Variants in PCMTD1 observed in about 807,000 individuals in gnomAD.
PCMTD1 encodes protein-L-isoaspartate O-methyltransferase domain-containing protein 1.
PCMTD1 carries 12 observed loss-of-function variants against 37.6 expected under a neutral mutation model. The observed-to-expected ratio is 0.32, with a 90% CI of 0.20 to 0.52. The LOEUF (loss-of-function observed/expected upper bound fraction) is 0.52, where lower values mean the gene tolerates loss of function less well. Among genes scored for constraint, PCMTD1 ranks in the 20% least tolerant of loss-of-function variants. The probability of loss-of-function intolerance (pLI) is 0.97; values close to 1 mark genes in which losing one functional copy is unlikely to be tolerated. For missense variants in PCMTD1, 235 were observed against 421.3 expected, an observed-to-expected ratio of 0.56 and a Z score of 3.87; for synonymous variants, 117 against 135.8, an observed-to-expected ratio of 0.86 and a Z score of 0.96.
rs1292160124 is a variant in PCMTD1 at position 51,848,867 on chromosome 8, T to A, written c.308-3104A>T. ...TGACATGGAGGCACATCTTTAATGA[T>A]CACTACTTAACAATATGAATGGTAA... On this transcript the variant is annotated intron_variant, in intron 2 of 5. Coordinates refer to ENST00000522514, the MANE Select transcript of PCMTD1 (RefSeq NM_052937.4). 3 of 152,126 alleles carry A rather than the reference T, an allele frequency of 2.0e-5. No individual in the cohort carries two copies. In the South Asian group the frequency reaches 6.2e-4, roughly 31 times the overall value. 9.4% of individuals were successfully genotyped at this position (152,126 alleles called of 1,614,324 possible). A position where few individuals can be genotyped will look rare whatever the true frequency, so the allele number is the denominator to read the frequency against.
intron 3 of PCMTD1, chr8:51,845,258 T>C (rs2038201368): frequency 6.4e-6 from 1 of 156,960 alleles, no homozygotes; most frequent in African/African-American, 2.4e-5. Flanking sequence ...TAGCTGAATA[T>C]GTTAAAGTCC....
At chr8:51,849,874 T>C (rs557689141) in intron 2 of PCMTD1, 7 of 574,646 alleles carry the variant, frequency 1.2e-5, no homozygotes, top group African/African-American at 5.6e-5. Context: ...ATTTTGACAG[T>C]GTGGTGCTGA....
intron 3 of PCMTD1, among the ~76,000 whole-genome samples, chr8:51,840,723 A>T (rs927380744): frequency 6.6e-6 from 1 of 152,148 alleles, no homozygotes; most frequent in Non-Finnish European, 1.5e-5. Context: ...AGGATAGTAG[A>T]TATGACCATG....
chr8:51,879,704 C>G (rs757002813), intron 1 of PCMTD1, among the ~76,000 whole-genome samples: 3 of 151,964 alleles, frequency 2.0e-5, no homozygotes, highest in African/African-American at 4.8e-5. Context: ...AGAAGACATT[C>G]TAAATTAAAA....
intron 5 of PCMTD1, among the ~76,000 whole-genome samples, chr8:51,828,151 A>G (rs1245725703): frequency 2.0e-5 from 3 of 152,248 alleles, no homozygotes; most frequent in Non-Finnish European, 2.9e-5. Flanking sequence ...GCTGCTGCAC[A>G]GAAATCAACA....
intron 5 of PCMTD1, chr8:51,826,941 A>C: frequency 1.1e-6 from 1 of 894,798 alleles, no homozygotes; most frequent in Non-Finnish European, 1.3e-6. Flanking sequence ...CACTTTAGTA[A>C]GTTGTTTAAT....
At position 51,826,500 on chromosome 8, in the gene PCMTD1, C is replaced by T. The variant is rs946561626; in HGVS notation, c.706+4944G>A. ...CAAAACTGCACATTCTGCACATGTA[C>T]CCCAGAACTTAAAATATAATAAAAA... is the stretch of plus-strand genomic sequence containing the variant. On this transcript the variant is annotated intron_variant, in intron 5 of 5. Coordinates refer to ENST00000522514, the MANE Select transcript of PCMTD1 (RefSeq NM_052937.4). Among the ~76,000 whole-genome samples the T allele has an allele frequency of 1.2e-4, 19 of 152,058 alleles. 1 individual carries two copies. The highest frequency in any genetic ancestry group is 1.5e-5 in the Non-Finnish European group (1 of 68,008).
intron 1 of PCMTD1, among the ~76,000 whole-genome samples, chr8:51,881,160 C>G (rs1265134533): frequency 2.0e-5 from 3 of 152,218 alleles, no homozygotes; most frequent in Admixed American, 6.5e-5. Flanking sequence ...ATCTTGCAAA[C>G]TTCTGATCAT....
At chr8:51,849,613 A>AAC (rs1339558760) in intron 2 of PCMTD1, 7 of 152,932 alleles carry the variant, frequency 4.6e-5, no homozygotes, top group African/African-American at 1.7e-4. Flanking sequence ...AAGGTTGACA[A>AAC]ACCCCCATTG....
At chr8:51,893,576 A>G (rs1246138809) in intron 1 of PCMTD1, among the ~76,000 whole-genome samples, 1 of 152,226 alleles carries the variant, frequency 6.6e-6, no homozygotes, top group Non-Finnish European at 1.5e-5. Context: ...AGCTCATTAG[A>G]AAACTTGTCT....
intron 5 of PCMTD1, among the ~76,000 whole-genome samples, chr8:51,831,105 C>T (rs1053827482): frequency 1.3e-5 from 2 of 152,036 alleles, no homozygotes; most frequent in African/African-American, 2.4e-5. Flanking sequence ...TGAGGCCAGC[C>T]TGGCCAACAT....
At chr8:51,887,441 T>C (rs2038879449) in intron 1 of PCMTD1, among the ~76,000 whole-genome samples, 1 of 152,198 alleles carries the variant, frequency 6.6e-6, no homozygotes. Flanking sequence ...AGAAATATGC[T>C]TATTATTACT....
intron 1 of PCMTD1, chr8:51,895,967 A>C (rs1414829245): frequency 8.0e-5 from 9 of 112,154 alleles, no homozygotes; most frequent in Non-Finnish European, 1.2e-4. Context: ...TTTTTTTGAG[A>C]CAGAGTCTCA....
intron 2 of PCMTD1, among the ~76,000 whole-genome samples, chr8:51,854,851 T>G (rs2129284389): frequency 6.7e-6 from 1 of 149,470 alleles, no homozygotes; most frequent in East Asian, 2.0e-4. Context: ...CACTCCAGCC[T>G]GGGCTCTGAC....
At position 51,868,869 on chromosome 8, in the gene PCMTD1, C is replaced by A. The variant is rs922063755; in HGVS notation, c.-95-7623G>T. Among the ~76,000 whole-genome samples the A allele has an allele frequency of 9.2e-5, 14 of 152,190 alleles. 1 individual carries two copies. The East Asian group carries it at 2.7e-3, about 29-fold the overall frequency. ...AAGTAAAATTAAAATTTTCATAATG[C>A]TAGCATTCAAAGAACCACTGTCATT... On this transcript the variant is annotated intron_variant, in intron 1 of 5. Coordinates refer to ENST00000522514, the MANE Select transcript of PCMTD1 (RefSeq NM_052937.4).
intron 1 of PCMTD1, among the ~76,000 whole-genome samples, chr8:51,880,285 G>A (rs1418480141): frequency 6.6e-6 from 1 of 151,966 alleles, no homozygotes; most frequent in Non-Finnish European, 1.5e-5. Context: ...CAGTAAATAT[G>A]AAATTATGCC....
intron 1 of PCMTD1, among the ~76,000 whole-genome samples, chr8:51,887,948 T>C (rs2129294346): frequency 1.3e-5 from 2 of 152,236 alleles, no homozygotes; most frequent in South Asian, 4.1e-4. Flanking sequence ...TTTCACCATG[T>C]TGGCCAGGAT....
intron 2 of PCMTD1, chr8:51,850,158 T>C (rs2038283949): frequency 1.4e-6 from 1 of 696,140 alleles, no homozygotes; most frequent in East Asian, 2.7e-5. Context: ...CTCCTAACTG[T>C]TGTATAATCT....
chr8:51,820,193 C>A lies in PCMTD1; in HGVS notation c.*158G>T. On this transcript the variant is annotated 3_prime_UTR_variant, in exon 6 of 6. Transcript: ENST00000522514. ...TTTATAAAAGGGATTCTTTTATTCA[C>A]TGAATACATCATTTGTGTTACTGAC... is the stretch of plus-strand genomic sequence containing the variant. The A allele has an allele frequency of 1.8e-6, 1 of 560,674 alleles. No individual in the cohort carries two copies. The highest frequency in any genetic ancestry group is 2.8e-6 in the Non-Finnish European group (1 of 352,076). The allele number at this position is 560,674 out of a possible 1,614,324, so 34.7% of individuals were successfully genotyped here.
Sources: gnomAD v4.1 joint callset for allele counts (sites outside exome capture counted in the v4.1 genomes callset) on GRCh38, gnomAD v4.1.1 for gene constraint, MANE v1.5 for transcripts, NCBI Gene and HGNC (gene_info 2026-07-23, HGNC 2026-07-21) for gene names.